The following SKIL variants were observed in gnomAD, a reference collection of about 807,000 sequenced individuals.
The protein encoded by SKIL is ski-like protein.
A neutral mutation model predicts 69.6 loss-of-function variants in SKIL; 20 were observed. That is an observed-to-expected ratio of 0.29 (90% CI 0.20 to 0.42). The LOEUF is 0.42. SKIL is among the 10% of genes least tolerant of loss of function. SKIL has a pLI of 1.00. For missense variants in SKIL, 745 were observed against 783.1 expected (o/e 0.95, Z 0.58); for synonymous variants, 310 against 279.9 (o/e 1.11, Z -1.08).
chr3:170,372,238 A>G (rs1736832389), intron 2 of SKIL, among the ~76,000 whole-genome samples: 1 of 152,206 alleles, frequency 6.6e-6, no homozygotes, highest in Admixed American at 6.5e-5. Flanking sequence ...GTTTCCATTA[A>G]GGACTCAAAA....
chr3:170,385,141 G>A (rs1193919520), intron 4 of SKIL: 1 of 164,678 alleles, frequency 6.1e-6, no homozygotes, highest in Non-Finnish European at 1.3e-5. Flanking sequence ...GTGCAGTGGT[G>A]AGATTGCGGT....
intron 2 of SKIL, among the ~76,000 whole-genome samples, chr3:170,370,836 T>C (rs1350524394): frequency 6.6e-6 from 1 of 152,028 alleles, no homozygotes; most frequent in East Asian, 1.9e-4. Context: ...TCCCAACTAC[T>C]TGTGGGGCTG....
At chr3:170,361,818 C>G (rs548229665) in intron 2 of SKIL, among the ~76,000 whole-genome samples, 1 of 151,660 alleles carries the variant, frequency 6.6e-6, no homozygotes, top group East Asian at 1.9e-4. Context: ...AACTCCTGAC[C>G]GCGTGATCCG....
chr3:170,394,983 G>A lies in SKIL; in HGVS notation c.*2566G>A, dbSNP rs1184166945. 6.6e-6 allele frequency: 1 copy of A among 152,080 alleles called. No individual in the cohort carries two copies. The highest frequency in any genetic ancestry group is 1.5e-5 in the Non-Finnish European group (1 of 67,980). 9.4% of individuals were successfully genotyped at this position (152,080 alleles called of 1,614,324 possible). On this transcript the variant is annotated 3_prime_UTR_variant, in exon 7 of 7. Coordinates refer to ENST00000259119, the MANE Select transcript of SKIL (RefSeq NM_005414.5). ...GTGTGCCAAATTCACTAGGCAAGCG[G>A]ATTTTTCCTCAGACTTCAAAAAATA...
Position 170,361,324 on chromosome 3 carries a change from G to A in SKIL, c.993G>A (p.Val331=). ...CTAAATGGCATTGCTATCTTCATGTGAACCAAAAATACTTAGGAACACCTG... is the reference window on the plus strand; with the variant it reads ...CTAAATGGCATTGCTATCTTCATGTAAACCAAAAATACTTAGGAACACCTG... ...ESAKWHCYLH[V]NQKYLGTPEE... is the part of the protein sequence containing the mutation. Residue 331 remains valine (V), a synonymous_variant, in exon 2 of 7, where the codon GTG becomes GTA. Coordinates refer to ENST00000259119, the MANE Select transcript of SKIL (RefSeq NM_005414.5). 6.2e-7 allele frequency: 1 copy of A among 1,613,112 alleles called. No individual in the cohort carries two copies. The highest frequency in any genetic ancestry group is 8.5e-7 in the Non-Finnish European group (1 of 1,179,746).
intron 2 of SKIL, among the ~76,000 whole-genome samples, chr3:170,376,871 C>G (rs138395577): frequency 1.3e-5 from 2 of 152,278 alleles, no homozygotes; most frequent in Admixed American, 6.5e-5. Context: ...TGAGCCGTTG[C>G]GCCTGGCCAA....
In SKIL at chr3:170,392,253, A is replaced by G. The variant is rs770745952; in HGVS notation, c.1897-6A>G. 6.3e-7 allele frequency: 1 copy of G among 1,579,762 alleles called. No individual in the cohort carries two copies. Among genetic ancestry groups the G allele is most frequent in the Non-Finnish European group, 8.6e-7 (1 of 1,166,904 alleles). On this transcript the variant is annotated splice_region_variant and splice_polypyrimidine_tract_variant and intron_variant, in intron 6 of 6. Coordinates refer to ENST00000259119, the MANE Select transcript of SKIL (RefSeq NM_005414.5). The stretch of plus-strand genomic sequence containing the variant: ...TAAAATTGATAGCGCCTTTTAAATC[A>G]CATAGTTGGCAGAACTGAGGCAGAG...
At chr3:170,383,475 T>C (rs11929541) in intron 3 of SKIL, among the ~76,000 whole-genome samples, 3,502 of 152,334 alleles carry the variant, frequency 0.023, 113 homozygotes, top group African/African-American at 0.063. Context: ...ACTCAGAATA[T>C]AGTTACAAAT....
chr3:170,381,869 C>T (rs1038690508), intron 3 of SKIL, among the ~76,000 whole-genome samples: 7 of 151,886 alleles, frequency 4.6e-5, no homozygotes, highest in Admixed American at 2.6e-4. Flanking sequence ...ATCATGAGGT[C>T]AGGAGATCGA....
intron 2 of SKIL, among the ~76,000 whole-genome samples, chr3:170,363,546 C>T (rs13063753): frequency 0.076 from 11,483 of 151,850 alleles, 581 homozygotes; most frequent in South Asian, 0.14. Context: ...AGCTCAGTGG[C>T]GCGATCTTGG....
chr3:170,384,732 T>G lies in SKIL; in HGVS notation c.1396T>G (p.Leu466Val). Residue 466 changes from leucine to valine, a missense_variant, in exon 4 of 7, where the codon TTA becomes GTA. Coordinates refer to ENST00000259119, the MANE Select transcript of SKIL (RefSeq NM_005414.5). The stretch of plus-strand genomic sequence containing the variant: ...ACTTGAGGAACAGGAGAAAATGGAT[T>G]TAAAAACAAGTAGAGAATTATGTAG... ...VSLEEQEKMD[L>V]KTSRELCSRL... 1.2e-6 allele frequency: 2 copies of G among 1,605,558 alleles called. No individual in the cohort carries two copies. Among genetic ancestry groups the G allele is most frequent in the Non-Finnish European group, 1.7e-6 (2 of 1,173,918 alleles).
intron 2 of SKIL, among the ~76,000 whole-genome samples, chr3:170,378,249 A>G (rs1477199667): frequency 6.6e-6 from 1 of 152,154 alleles, no homozygotes; most frequent in South Asian, 2.1e-4. Flanking sequence ...TTTAAGATAC[A>G]TATTCTAAGA....
chr3:170,389,759 C>G (rs936402227), intron 4 of SKIL, among the ~76,000 whole-genome samples: 2 of 152,126 alleles, frequency 1.3e-5, no homozygotes, highest in African/African-American at 4.8e-5. Context: ...GTCACACAGT[C>G]TTGATTTCTG....
At chr3:170,379,565 GTAAA>G (rs1414658833) in intron 2 of SKIL, among the ~76,000 whole-genome samples, 4 of 152,160 alleles carry the variant, frequency 2.6e-5, no homozygotes, top group African/African-American at 4.8e-5. Flanking sequence ...AGGACAAAGT[GTAAA>G]TAAAGTAAAC....
chr3:170,387,775 T>TA (rs1392389421), intron 4 of SKIL, among the ~76,000 whole-genome samples: 3 of 57,494 alleles, frequency 5.2e-5, no homozygotes, highest in African/African-American at 2.1e-4. Context: ...AAAAAAAAAA[T>TA]ACAAAAAAAT....
Position 170,372,105 on chromosome 3 carries a change from ATTAAG to A in SKIL, c.1099-9136_1099-9132del, listed in dbSNP as rs201742410. On this transcript the variant is annotated intron_variant, in intron 2 of 6. Transcript: ENST00000259119. ...ACTGAGATTTCCATGTAGTTGCAGT[ATTAAG>A]TTTATTGGGCATCACAGACCTTCAG... Among the ~76,000 whole-genome samples the A allele has an allele frequency of 1.8e-3, 276 of 152,356 alleles. 4 individuals are homozygous for A. In the East Asian group the frequency reaches 0.044, roughly 24 times the overall value.
At chr3:170,370,195 C>T (rs1489409051) in intron 2 of SKIL, among the ~76,000 whole-genome samples, 2 of 151,944 alleles carry the variant, frequency 1.3e-5, no homozygotes, top group African/African-American at 4.8e-5. Flanking sequence ...GCCGAGATCG[C>T]GCCACTGCAC....
chr3:170,382,690 T>C (rs1426017322), intron 3 of SKIL, among the ~76,000 whole-genome samples: 4 of 149,294 alleles, frequency 2.7e-5, no homozygotes, highest in East Asian at 3.9e-4. Context: ...ATTACAGGTG[T>C]GAGCCACCGC....
chr3:170,381,326 C>T lies in SKIL; in HGVS notation c.1181C>T (p.Ser394Leu). ...QEGDHVSQTH[S>L]FLHPSYYLYM... ...GGTGACCATGTTTCTCAGACACATT[C>T]ATTTTTACACCCCAGGTGAGTTGGT... is the stretch of plus-strand genomic sequence containing the variant. The change falls in exon 3 of 7, where the codon TCA (serine) becomes TTA (leucine). Residue 394 changes from serine to leucine, a missense_variant. Coordinates refer to ENST00000259119, the MANE Select transcript of SKIL (RefSeq NM_005414.5). The T allele has an allele frequency of 6.5e-7, 1 of 1,535,472 alleles. No homozygotes were observed. The highest frequency in any genetic ancestry group is 2.2e-5 in the East Asian group (1 of 44,502).
Sources: allele counts gnomAD v4.1 joint callset (sites outside exome capture counted in the v4.1 genomes callset), GRCh38; gene constraint gnomAD v4.1.1; transcripts MANE v1.5; gene names NCBI Gene and HGNC (gene_info 2026-07-23, HGNC 2026-07-21).